Variants in MALRD1 observed in about 807,000 individuals in gnomAD.
MALRD1 encodes the protein MAM and LDL receptor class A domain containing 1.
In MALRD1, 247 loss-of-function variants were observed where a neutral mutation model predicts 242.1. The ratio of observed to expected loss-of-function variants is 1.02; its 90% CI spans 0.92 to 1.13. MALRD1 has a LOEUF of 1.13. Ranked by LOEUF, MALRD1 falls within the 50% of genes most tolerant of loss-of-function variation. The probability of loss-of-function intolerance (pLI) is 0.00; values close to 1 mark genes in which losing one functional copy is unlikely to be tolerated. For missense variants in MALRD1, 2,989 were observed against 2,533.1 expected, an observed-to-expected ratio of 1.18 and a Z score of -3.86; for synonymous variants, 995 against 866.6, an observed-to-expected ratio of 1.15 and a Z score of -2.60.
intron 18 of MALRD1, among the ~76,000 whole-genome samples, chr10:19,240,021 C>T (rs1190136619): frequency 6.6e-6 from 1 of 151,934 alleles, no homozygotes; most frequent in Non-Finnish European, 1.5e-5. Context: ...GTACTTTTTT[C>T]TGTTTCTGTG....
chr10:19,140,105 A>C (rs1363091223), intron 10 of MALRD1, among the ~76,000 whole-genome samples: 5 of 152,224 alleles, frequency 3.3e-5, no homozygotes, highest in Non-Finnish European at 7.3e-5. Context: ...TAATCCTGTT[A>C]GAATCTAATA....
chr10:19,168,452 T>C (rs1461481030), intron 13 of MALRD1, among the ~76,000 whole-genome samples: 1 of 152,248 alleles, frequency 6.6e-6, no homozygotes, highest in African/African-American at 2.4e-5. Flanking sequence ...GAAAATAGAA[T>C]GTCCTTTCTA....
chr10:19,213,069 C>T (rs1230012385), intron 18 of MALRD1, among the ~76,000 whole-genome samples: 8 of 152,014 alleles, frequency 5.3e-5, no homozygotes, highest in Admixed American at 5.2e-4. Context: ...TTTTGAAGAG[C>T]AGATTCTTTT....
At chr10:19,147,240 A>T (rs765025928) in intron 11 of MALRD1, among the ~76,000 whole-genome samples, 51 of 152,188 alleles carry the variant, frequency 3.4e-4, no homozygotes, top group Non-Finnish European at 7.3e-4. Context: ...TTCTTCTTTC[A>T]GACTTCCAAA....
At chr10:19,690,991 G>C (rs570377398) in intron 36 of MALRD1, among the ~76,000 whole-genome samples, 1 of 151,998 alleles carries the variant, frequency 6.6e-6, no homozygotes, top group Non-Finnish European at 1.5e-5. Flanking sequence ...TGCCAGGAAA[G>C]TGGCACTATC....
At chr10:19,233,276 C>T (rs534566320) in intron 18 of MALRD1, among the ~76,000 whole-genome samples, 5 of 152,124 alleles carry the variant, frequency 3.3e-5, no homozygotes, top group East Asian at 3.9e-4. Flanking sequence ...CCGAGGTGGG[C>T]GGATCGCCTG....
At chr10:19,511,646 C>T (rs373863983) in intron 31 of MALRD1, among the ~76,000 whole-genome samples, 16 of 152,162 alleles carry the variant, frequency 1.1e-4, no homozygotes, top group African/African-American at 3.4e-4. Flanking sequence ...AGAATCAAAC[C>T]TGCAATATGA....
At chr10:19,144,247 C>G (rs1455937399) in intron 10 of MALRD1, among the ~76,000 whole-genome samples, 1 of 152,126 alleles carries the variant, frequency 6.6e-6, no homozygotes. Flanking sequence ...AGAACTTGAG[C>G]CCTGGGGAAA....
chr10:19,071,574 T>C (rs568634705), intron 2 of MALRD1, among the ~76,000 whole-genome samples: 6 of 152,250 alleles, frequency 3.9e-5, no homozygotes, highest in African/African-American at 1.4e-4. Flanking sequence ...TACCAGCTTA[T>C]AGATTTTTCT....
chr10:19,214,201 G>T (rs1453879535), intron 18 of MALRD1, among the ~76,000 whole-genome samples: 2 of 152,104 alleles, frequency 1.3e-5, no homozygotes, highest in African/African-American at 4.8e-5. Context: ...GGTTTCTGTG[G>T]ACTCTCAGCT....
intron 36 of MALRD1, among the ~76,000 whole-genome samples, chr10:19,629,515 A>C (rs116503227): frequency 0.018 from 2,798 of 152,286 alleles, 48 homozygotes; most frequent in East Asian, 0.035. Context: ...CCCATCCTAA[A>C]GTAGCTGCAT....
chr10:19,727,145 G>A (rs888755696), intron 38 of MALRD1, among the ~76,000 whole-genome samples: 1 of 152,148 alleles, frequency 6.6e-6, no homozygotes, highest in Non-Finnish European at 1.5e-5. Context: ...TAACATTACT[G>A]AAAACCATTG....
rs547019919 is a variant in MALRD1, at chr10:19,656,533, T to C, written c.6138-35749T>C. On this transcript the variant is annotated intron_variant, in intron 36 of 39. Coordinates refer to ENST00000454679, the MANE Select transcript of MALRD1 (RefSeq NM_001142308.3). Reference sequence around the variant, plus strand: ...CACCATTCATTCTCAGTATTCCTTTTGCTACTGTGGCCCAAGCAACCCTGG... The same window carrying C: ...CACCATTCATTCTCAGTATTCCTTTCGCTACTGTGGCCCAAGCAACCCTGG... Among the ~76,000 whole-genome samples the C allele has an allele frequency of 5.3e-5, 8 of 152,278 alleles. No homozygotes were observed. The South Asian group carries it at 1.7e-3, about 32-fold the overall frequency.
intron 18 of MALRD1, among the ~76,000 whole-genome samples, chr10:19,235,572 CACCCACAGAGAG>C (rs1335363320): frequency 5.7e-5 from 5 of 87,712 alleles, no homozygotes; most frequent in African/African-American, 2.3e-4. Context: ...CCCACACCCA[CACCCACAGAGAG>C]AGAGAGAGAG....
chr10:19,295,226 A>G (rs917546374), intron 21 of MALRD1, among the ~76,000 whole-genome samples: 15 of 152,104 alleles, frequency 9.9e-5, no homozygotes, highest in African/African-American at 3.4e-4. Context: ...ATTACAAATT[A>G]TTATTCGTAA....
chr10:19,280,612 T>G (rs1176184998), intron 20 of MALRD1, among the ~76,000 whole-genome samples: 3 of 152,186 alleles, frequency 2.0e-5, no homozygotes, highest in African/African-American at 2.4e-5. Flanking sequence ...ATTTTGCCAT[T>G]GCCAAAATGC....
At chr10:19,641,439 G>A (rs1403672828) in intron 36 of MALRD1, among the ~76,000 whole-genome samples, 4 of 152,198 alleles carry the variant, frequency 2.6e-5, no homozygotes, top group South Asian at 2.1e-4. Context: ...TTAAAAATAC[G>A]GTTGAGACGA....
intron 8 of MALRD1, among the ~76,000 whole-genome samples, chr10:19,128,872 C>T (rs949664131): frequency 6.6e-6 from 1 of 152,074 alleles, no homozygotes; most frequent in Non-Finnish European, 1.5e-5. Flanking sequence ...TTCTCTCTCT[C>T]CTTGTCCAAT....
chr10:19,467,392 C>CAAAAAAAAAAAAAAAAAAAAAAAA (rs71387079), intron 29 of MALRD1, among the ~76,000 whole-genome samples: 1 of 53,762 alleles, frequency 1.9e-5, no homozygotes, highest in Non-Finnish European at 3.3e-5. Flanking sequence ...GACTCCGTCT[C>CAAAAAAAAAAAAAAAAAAAAAAAA]AAAAAAAAAA....
Sources: gnomAD v4.1 joint callset for allele counts (sites outside exome capture counted in the v4.1 genomes callset) on GRCh38, gnomAD v4.1.1 for gene constraint, MANE v1.5 for transcripts, NCBI Gene and HGNC (gene_info 2026-07-23, HGNC 2026-07-21) for gene names.